Variants in ANKRD36 observed in about 807,000 individuals in gnomAD.
The protein encoded by ANKRD36 is ankyrin repeat domain-containing protein 36A.
ANKRD36 carries 179 observed loss-of-function variants against 278.1 expected under a neutral mutation model. The observed-to-expected ratio is 0.64, with a 90% confidence interval of 0.57 to 0.73. ANKRD36 has a LOEUF of 0.73. Ranked by LOEUF, ANKRD36 falls within the 30% of genes least tolerant of loss-of-function variation. ANKRD36 has a pLI of 0.00. For missense variants in ANKRD36, 1,159 were observed against 1,956.7 expected (o/e 0.59, Z 7.69); for synonymous variants, 320 against 641.1 (o/e 0.50, Z 7.57).
chr2:97,226,121 G>C (rs2069495714), intron 67 of ANKRD36, among the ~76,000 whole-genome samples: 1 of 151,570 alleles, frequency 6.6e-6, no homozygotes. Flanking sequence ...ATGATTTATA[G>C]TCCTTTGGGT....
intron 67 of ANKRD36, among the ~76,000 whole-genome samples, chr2:97,225,830 C>G (rs1439421031): frequency 6.6e-6 from 1 of 150,704 alleles, no homozygotes; most frequent in Non-Finnish European, 1.5e-5. Flanking sequence ...CTGTGTCCAC[C>G]TGTTCTCATT....
chr2:97,256,643 G>A (rs1375644783), intron 75 of ANKRD36, among the ~76,000 whole-genome samples: 13 of 139,272 alleles, frequency 9.3e-5, no homozygotes, highest in East Asian at 5.8e-4. Context: ...TTTGTTTATC[G>A]CCTTAAAAAG....
intron 42 of ANKRD36, among the ~76,000 whole-genome samples, chr2:97,197,467 G>GAT (rs1413671784): frequency 1.3e-5 from 2 of 151,930 alleles, no homozygotes; most frequent in African/African-American, 4.8e-5. Flanking sequence ...AGACATCAGA[G>GAT]ATATATGTTT....
intron 32 of ANKRD36, among the ~76,000 whole-genome samples, chr2:97,188,244 A>G (rs2057837614): frequency 6.6e-6 from 1 of 151,846 alleles, no homozygotes; most frequent in African/African-American, 2.4e-5. Context: ...ATGCTATTTT[A>G]GAACAAAAAT....
chr2:97,115,987 T>C (rs1006406267), intron 1 of ANKRD36, among the ~76,000 whole-genome samples: 1 of 151,572 alleles, frequency 6.6e-6, no homozygotes. Flanking sequence ...CAGATGTATG[T>C]TGAGGTGTGA....
At chr2:97,165,818 T>G (rs201289023) in intron 20 of ANKRD36, among the ~76,000 whole-genome samples, 307 of 145,022 alleles carry the variant, frequency 2.1e-3, no homozygotes, top group African/African-American at 4.0e-3. Flanking sequence ...TTTTATATAT[T>G]TGTTTCTGTC....
chr2:97,217,866 GA>G, intron 64 of ANKRD36, among the ~76,000 whole-genome samples: 1 of 151,426 alleles, frequency 6.6e-6, no homozygotes, highest in Non-Finnish European at 1.5e-5. Flanking sequence ...AGAAAGAGGG[GA>G]AGGAAGAAGT....
intron 66 of ANKRD36, among the ~76,000 whole-genome samples, chr2:97,224,558 T>C: frequency 6.6e-6 from 1 of 151,850 alleles, no homozygotes; most frequent in Non-Finnish European, 1.5e-5. Context: ...CACGCCATTC[T>C]CCTGCACCAG....
intron 67 of ANKRD36, among the ~76,000 whole-genome samples, chr2:97,231,051 C>T (rs1369206241): frequency 6.6e-6 from 1 of 152,108 alleles, no homozygotes; most frequent in Non-Finnish European, 1.5e-5. Context: ...CTGCCCCTAC[C>T]TGGGGGTGCC....
intron 17 of ANKRD36, among the ~76,000 whole-genome samples, chr2:97,160,329 A>G (rs2048564873): frequency 3.8e-5 from 1 of 25,984 alleles, no homozygotes; most frequent in South Asian, 1.1e-3. Context: ...TATTGCCAAC[A>G]GAGTACACAG....
rs1446609296 is a variant in ANKRD36 at position 97,200,347 on chromosome 2, A to G, written c.2769A>G (p.Lys923=). ...GEKTKRVSSR[K]KPSLEATSDE... Reference sequence around the variant, plus strand: ...TTTGCTTTTCAGTGTCTTCTCGGAAAAAACCATCCTTGGAGGTAATGAAAC... The same window carrying G: ...TTTGCTTTTCAGTGTCTTCTCGGAAGAAACCATCCTTGGAGGTAATGAAAC... The change falls in exon 45 of 76, where the codon AAA becomes AAG. Residue 923 remains lysine (K), a synonymous_variant. Transcript: ENST00000420699. 4 of 1,606,800 alleles carry G rather than the reference A, an allele frequency of 2.5e-6. No homozygotes were observed. Among genetic ancestry groups the G allele is most frequent in the Admixed American group, 1.7e-5 (1 of 59,726 alleles).
intron 42 of ANKRD36, among the ~76,000 whole-genome samples, chr2:97,198,151 C>G (rs1377582553): frequency 6.6e-6 from 1 of 151,896 alleles, no homozygotes; most frequent in African/African-American, 2.4e-5. Flanking sequence ...ATGAGTTGCC[C>G]CTCTGATTTT....
intron 66 of ANKRD36, among the ~76,000 whole-genome samples, chr2:97,224,514 TC>T (rs2068758189): frequency 1.3e-5 from 2 of 151,310 alleles, no homozygotes; most frequent in Non-Finnish European, 2.9e-5. Flanking sequence ...AGTGGTGAGA[TC>T]TTCAGCTCAC....
intron 36 of ANKRD36, 57 bp from the exon 37 acceptor site, chr2:97,192,801 A>T: frequency 6.4e-7 from 1 of 1,550,662 alleles, no homozygotes; most frequent in Non-Finnish European, 8.8e-7. Context: ...TCATGAATGT[A>T]TGGATAACTT....
chr2:97,204,597 G>A (rs2062333555), intron 50 of ANKRD36, among the ~76,000 whole-genome samples: 1 of 151,312 alleles, frequency 6.6e-6, no homozygotes, highest in Non-Finnish European at 1.5e-5. Context: ...AGGAAGTATA[G>A]AATTAACACA....
At chr2:97,181,502 G>T in intron 24 of ANKRD36, 96 bp from the exon 25 acceptor site, 1 of 1,539,510 alleles carries the variant, frequency 6.5e-7, no homozygotes, top group East Asian at 2.3e-5. Context: ...ACTAGTACAG[G>T]CAGGAAGATA....
chr2:97,143,258 C>A (rs74907579), intron 8 of ANKRD36, among the ~76,000 whole-genome samples: 447 of 148,370 alleles, frequency 3.0e-3, no homozygotes, highest in Admixed American at 6.2e-3. Context: ...CTAAGGAGAC[C>A]TCTGATGTGG....
intron 56 of ANKRD36, among the ~76,000 whole-genome samples, chr2:97,210,113 C>A (rs2064005638): frequency 6.6e-6 from 1 of 151,820 alleles, no homozygotes; most frequent in African/African-American, 2.4e-5. Flanking sequence ...GAGAGCAGCT[C>A]AAGACATAAG....
intron 36 of ANKRD36, among the ~76,000 whole-genome samples, chr2:97,192,596 T>C (rs746102970): frequency 1.3e-5 from 2 of 151,824 alleles, no homozygotes; most frequent in South Asian, 2.1e-4. Context: ...TGGACATTGA[T>C]ATTGACACAG....
Sources: allele counts gnomAD v4.1 joint callset (sites outside exome capture counted in the v4.1 genomes callset), GRCh38; gene constraint gnomAD v4.1.1; transcripts MANE v1.5; gene names NCBI Gene and HGNC (gene_info 2026-07-23, HGNC 2026-07-21).